Variants in SUSD4 observed in about 807,000 individuals in gnomAD.
SUSD4 encodes sushi domain containing 4, also known as sushi domain-containing protein 4.
A neutral mutation model predicts 50.5 loss-of-function variants in SUSD4; 41 were observed. The observed-to-expected ratio is 0.81, with a 90% CI of 0.63 to 1.05. SUSD4 has a LOEUF of 1.05. Ranked by LOEUF, SUSD4 falls within the 50% of genes least tolerant of loss-of-function variation. The pLI is 0.00. For missense variants in SUSD4, 580 were observed against 634.7 expected (o/e 0.91, Z 0.93); for synonymous variants, 257 against 257.3 (o/e 1.00, Z 0.01).
intron 2 of SUSD4, among the ~76,000 whole-genome samples, chr1:223,321,447 T>A (rs1441705133): frequency 6.6e-6 from 1 of 152,240 alleles, no homozygotes; most frequent in Non-Finnish European, 1.5e-5. Flanking sequence ...TGTAGCTCAC[T>A]GAGAACTCTG....
rs59885860 is a variant in SUSD4 at position 223,268,013 on chromosome 1, TTA to T, written c.535+487_535+488del. Among the ~76,000 whole-genome samples the T allele has an allele frequency of 2.0e-3, 107 of 53,360 alleles. 6 individuals are homozygous for T. The East Asian group carries it at 0.021, about 10-fold the overall frequency. 35.0% of individuals were successfully genotyped at this position (53,360 alleles called of 152,430 possible). ...AATTTTTCTGCTCTTCATGCATTTT[TTA>T]TATATATATATATATATATATATAT... On this transcript the variant is annotated intron_variant, in intron 4 of 8. Transcript: ENST00000366878.
intron 2 of SUSD4, among the ~76,000 whole-genome samples, chr1:223,324,584 C>T (rs1485935923): frequency 2.0e-5 from 3 of 151,910 alleles, no homozygotes; most frequent in Non-Finnish European, 4.4e-5. Context: ...CACAAATGCA[C>T]TTTGCTTCTC....
rs1451056888 is a variant in SUSD4 at position 223,223,393 on chromosome 1, A to G, written c.1300T>C (p.Ser434Pro). 3 of 1,613,900 alleles carry G rather than the reference A, an allele frequency of 1.9e-6. No individual in the cohort carries two copies. The highest frequency in any genetic ancestry group is 2.5e-6 in the Non-Finnish European group (3 of 1,179,894). The change falls in exon 8 of 9, where the codon TCA becomes CCA. Residue 434 changes from serine (S) to proline (P), a missense_variant. Physicochemically the swap from Ser to Pro is moderately conservative, Grantham distance 74 (BLOSUM62 -1). Transcript: ENST00000366878. The part of the protein sequence containing the change: ...PGESETCDSV[S>P]GSSELLQSLY... ...CTTTGGAGCAGCTCAGAAGAGCCTG[A>G]GACGCTGTCACAGGTTTCTGACTCC...
At chr1:223,356,751 C>T (rs1668690584) in intron 2 of SUSD4, among the ~76,000 whole-genome samples, 1 of 152,074 alleles carries the variant, frequency 6.6e-6, no homozygotes, top group South Asian at 2.1e-4. Flanking sequence ...ATTTGTGGAA[C>T]CCTAGGACAG....
chr1:223,364,228 G>T (rs1057255882), upstream of SUSD4: 3 of 144,514 alleles, frequency 2.1e-5, no homozygotes, highest in Admixed American at 7.2e-5. This position sits in a 1 kb window ranked among gnomAD's most constrained non-coding sequence, Gnocchi z 4.5. Flanking sequence ...CTCCCCAGGC[G>T]CCCCCGAGCG....
chr1:223,304,746 T>G (rs1665412215), intron 2 of SUSD4, among the ~76,000 whole-genome samples: 1 of 140,594 alleles, frequency 7.1e-6, no homozygotes, highest in African/African-American at 2.7e-5. Flanking sequence ...ATCCTCTAGC[T>G]GTGTAACTCT....
upstream of SUSD4, among the ~76,000 whole-genome samples, chr1:223,364,574 G>C (rs917505550): frequency 6.6e-6 from 1 of 150,408 alleles, no homozygotes; most frequent in African/African-American, 2.4e-5. The surrounding 1 kb of genome is among the most constrained non-coding windows in gnomAD (Gnocchi z 4.5). Context: ...ACGCAGCTCG[G>C]TCGCCCCTTC....
At chr1:223,272,052 C>A (rs539465952) in intron 3 of SUSD4, among the ~76,000 whole-genome samples, 22 of 152,268 alleles carry the variant, frequency 1.4e-4, no homozygotes, top group Admixed American at 5.2e-4. Flanking sequence ...CATGGTGAAA[C>A]CCCGTCTCTA....
Position 223,241,882 on chromosome 1 carries a change from T to C in SUSD4, c.725-12494A>G, listed in dbSNP as rs540105873. On this transcript the variant is annotated intron_variant, in intron 5 of 8. Transcript: ENST00000366878. Reference sequence around the variant, plus strand: ...CCTGGAAATTTGTTCCTTAGTCTTCTTGGGGAAGACAATCCTACCACCTCC... The same window carrying C: ...CCTGGAAATTTGTTCCTTAGTCTTCCTGGGGAAGACAATCCTACCACCTCC... Among the ~76,000 whole-genome samples, 3 of 152,314 alleles carry C rather than the reference T, an allele frequency of 2.0e-5. No individual in the cohort carries two copies. In the South Asian group the frequency reaches 6.2e-4, roughly 32 times the overall value.
chr1:223,311,394 A>C (rs1665866318), intron 2 of SUSD4, among the ~76,000 whole-genome samples: 1 of 152,198 alleles, frequency 6.6e-6, no homozygotes, highest in Non-Finnish European at 1.5e-5. Flanking sequence ...GCTACATATG[A>C]TGTAAGTGCT....
At chr1:223,267,827 T>A (rs892002896) in intron 4 of SUSD4, among the ~76,000 whole-genome samples, 38 of 151,810 alleles carry the variant, frequency 2.5e-4, no homozygotes, top group Non-Finnish European at 5.9e-5. Flanking sequence ...GCCTTCTTGG[T>A]TCTTTGGTCG....
intron 2 of SUSD4, among the ~76,000 whole-genome samples, chr1:223,307,782 T>C (rs1161501768): frequency 6.6e-6 from 1 of 152,216 alleles, no homozygotes; most frequent in African/African-American, 2.4e-5. Context: ...ACATGCTTAG[T>C]CAAGCAACAA....
intron 2 of SUSD4, among the ~76,000 whole-genome samples, chr1:223,302,681 G>T (rs556882002): frequency 6.6e-6 from 1 of 152,300 alleles, no homozygotes; most frequent in South Asian, 2.1e-4. Context: ...TAGAAAGACT[G>T]ACTAACCCGG....
chr1:223,246,688 G>A (rs994187549), intron 5 of SUSD4, among the ~76,000 whole-genome samples: 1 of 152,152 alleles, frequency 6.6e-6, no homozygotes, highest in Non-Finnish European at 1.5e-5. Context: ...GGTGGCCAGG[G>A]TGGTGGAGAT....
chr1:223,229,946 A>C lies in SUSD4; in HGVS notation c.725-558T>G, dbSNP rs1659781035. ...AGAGCCAGGGCACAGCCTCCAGGGC[A>C]ACCAGAGTTAGGTGCCTTGGGCATG... On this transcript the variant is annotated intron_variant, in intron 5 of 8. Coordinates refer to ENST00000366878, the MANE Select transcript of SUSD4 (RefSeq NM_017982.4). The surrounding 1 kb of genome is among the most constrained non-coding windows in gnomAD (Gnocchi z 4.7). Among the ~76,000 whole-genome samples, 1 of 152,216 alleles carries C rather than the reference A, an allele frequency of 6.6e-6. No individual in the cohort carries two copies.
intron 3 of SUSD4, among the ~76,000 whole-genome samples, chr1:223,290,852 C>T (rs949984897): frequency 6.6e-6 from 1 of 151,996 alleles, no homozygotes; most frequent in Non-Finnish European, 1.5e-5. Context: ...ATTTAAGAAG[C>T]CTATTTTGGT....
Position 223,350,550 on chromosome 1 carries a change from G to A in SUSD4, c.148+12728C>T, listed in dbSNP as rs144474190. 1.6e-3 allele frequency among the ~76,000 whole-genome samples: 238 copies of A among 152,338 alleles called. 1 individual carries two copies. The highest frequency in any genetic ancestry group is 2.3e-3 in the Non-Finnish European group (157 of 68,026). On this transcript the variant is annotated intron_variant, in intron 2 of 8. Coordinates refer to ENST00000366878, the MANE Select transcript of SUSD4 (RefSeq NM_017982.4). ...CTCCCTGCCCATCACTGCAGCTGTC[G>A]TTGCTGCCTGACTCAGATGTCAGAA...
Position 223,244,877 on chromosome 1 carries a change from T to C in SUSD4, c.725-15489A>G, listed in dbSNP as rs371704143. ...TAATCACAAATTCTCTGTGCCACAC[T>C]GGAGACCAATAGGAGGTACAGAAGA... is the stretch of plus-strand genomic sequence containing the variant. On this transcript the variant is annotated intron_variant, in intron 5 of 8. Transcript: ENST00000366878. Among the ~76,000 whole-genome samples the C allele has an allele frequency of 3.9e-5, 6 of 152,304 alleles. No homozygotes were observed. In the East Asian group the frequency reaches 9.6e-4, roughly 24 times the overall value.
At chr1:223,306,069 T>TA (rs1665517739) in intron 2 of SUSD4, among the ~76,000 whole-genome samples, 1 of 152,340 alleles carries the variant, frequency 6.6e-6, no homozygotes, top group African/African-American at 2.4e-5. Flanking sequence ...TAGACTTGAT[T>TA]AAAATGGATA....
Sources: gnomAD v4.1 joint callset for allele counts (sites outside exome capture counted in the v4.1 genomes callset) on GRCh38, gnomAD v4.1.1 for gene constraint, Gnocchi (gnomAD v3.1) non-coding constraint, MANE v1.5 for transcripts, NCBI Gene and HGNC (gene_info 2026-07-23, HGNC 2026-07-21) for gene names.